Variants in SPOCK3 observed in about 807,000 individuals in gnomAD.
SPOCK3 encodes the protein SPARC (osteonectin), cwcv and kazal like domains proteoglycan 3, also known as testican-3.
In SPOCK3, 30 loss-of-function variants were observed where a neutral mutation model predicts 56.6. The ratio of observed to expected loss-of-function variants is 0.53; its 90% CI spans 0.40 to 0.72. The LOEUF is 0.72. Ranked by LOEUF, SPOCK3 falls within the 30% of genes least tolerant of loss-of-function variation. SPOCK3 has a pLI of 0.00. For synonymous variants in SPOCK3, 196 were observed against 183.3 expected (o/e 1.07, Z -0.56); for missense variants, 527 against 530.0 (o/e 0.99, Z 0.06).
At chr4:166,880,808 A>G (rs1733608854) in intron 6 of SPOCK3, among the ~76,000 whole-genome samples, 1 of 152,106 alleles carries the variant, frequency 6.6e-6, no homozygotes, top group African/African-American at 2.4e-5. Flanking sequence ...TCAAGCCTCA[A>G]TTCTTACCAA....
At chr4:167,021,529 T>C (rs1285135233) in intron 3 of SPOCK3, among the ~76,000 whole-genome samples, 1 of 151,966 alleles carries the variant, frequency 6.6e-6, no homozygotes, top group Non-Finnish European at 1.5e-5. Context: ...CTGTGGTAAC[T>C]TAGGCAAGGA....
chr4:166,741,662 C>CAT (rs377194882), intron 9 of SPOCK3, among the ~76,000 whole-genome samples: 34 of 151,904 alleles, frequency 2.2e-4, no homozygotes, highest in East Asian at 1.9e-3. Context: ...AGCACATATA[C>CAT]ATATATATAT....
At chr4:167,027,698 T>C (rs1256705689) in intron 3 of SPOCK3, among the ~76,000 whole-genome samples, 1 of 152,026 alleles carries the variant, frequency 6.6e-6, no homozygotes, top group Non-Finnish European at 1.5e-5. Flanking sequence ...TAGAGAAAAA[T>C]GTTATTAAGA....
At chr4:167,093,847 T>C (rs1758917810) in intron 2 of SPOCK3, among the ~76,000 whole-genome samples, 2 of 152,310 alleles carry the variant, frequency 1.3e-5, no homozygotes, top group South Asian at 2.1e-4. Flanking sequence ...TTTCTGGTTC[T>C]AGATCCTTGA....
chr4:166,937,470 CTA>C (rs1268069098), intron 4 of SPOCK3, among the ~76,000 whole-genome samples: 1 of 148,410 alleles, frequency 6.7e-6, no homozygotes, highest in Non-Finnish European at 1.5e-5. Context: ...TTCCATACAT[CTA>C]TGAGTTCTTG....
intron 3 of SPOCK3, among the ~76,000 whole-genome samples, chr4:167,012,253 T>C (rs1334866652): frequency 2.0e-5 from 3 of 151,978 alleles, no homozygotes; most frequent in Non-Finnish European, 4.4e-5. Flanking sequence ...TTATTGGTAT[T>C]ATACAGCCTC....
intron 6 of SPOCK3, among the ~76,000 whole-genome samples, chr4:166,837,861 T>C (rs1323435379): frequency 6.6e-6 from 1 of 152,174 alleles, no homozygotes; most frequent in Non-Finnish European, 1.5e-5. Flanking sequence ...AAGCTGTGGT[T>C]GCTACAAATT....
chr4:167,043,992 A>G (rs998778365), intron 3 of SPOCK3, among the ~76,000 whole-genome samples: 1 of 151,960 alleles, frequency 6.6e-6, no homozygotes, highest in Non-Finnish European at 1.5e-5. Flanking sequence ...TGATTCTTCT[A>G]TCTTCTAAAA....
intron 3 of SPOCK3, among the ~76,000 whole-genome samples, chr4:167,039,920 A>G (rs1017560353): frequency 6.6e-6 from 1 of 152,098 alleles, no homozygotes; most frequent in Non-Finnish European, 1.5e-5. Context: ...CCTTTTTATT[A>G]TCTATCTCTT....
intron 2 of SPOCK3, among the ~76,000 whole-genome samples, chr4:167,135,481 T>C (rs1049598754): frequency 1.6e-4 from 25 of 152,194 alleles, no homozygotes; most frequent in Non-Finnish European, 2.9e-4. Flanking sequence ...CAAGTAGTTG[T>C]AATCTTTCTC....
intron 3 of SPOCK3, among the ~76,000 whole-genome samples, chr4:167,024,297 G>A (rs1010015810): frequency 6.6e-6 from 1 of 151,988 alleles, no homozygotes. Context: ...AATTAAAAAT[G>A]AGTTTAGAAA....
At chr4:167,071,399 C>G (rs542034836) in intron 2 of SPOCK3, among the ~76,000 whole-genome samples, 80 of 151,734 alleles carry the variant, frequency 5.3e-4, no homozygotes, top group South Asian at 1.7e-3. Flanking sequence ...TAGCCCCCCA[C>G]CCCCTGACAG....
At chr4:166,953,975 T>A (rs4508920) in intron 4 of SPOCK3, among the ~76,000 whole-genome samples, 2 of 152,042 alleles carry the variant, frequency 1.3e-5, no homozygotes, top group African/African-American at 2.4e-5. Context: ...GGGAGATATA[T>A]CTAATGCTAG....
intron 2 of SPOCK3, 66 bp downstream of exon 2, chr4:167,233,919 C>G: frequency 7.1e-7 from 1 of 1,416,712 alleles, no homozygotes; most frequent in South Asian, 1.2e-5. Flanking sequence ...CCACATCCGG[C>G]GGCCGCGGCC....
intron 2 of SPOCK3, among the ~76,000 whole-genome samples, chr4:167,081,703 AAG>A (rs1230637950): frequency 2.6e-5 from 4 of 152,070 alleles, no homozygotes; most frequent in Non-Finnish European, 4.4e-5. Context: ...TACCTTGGGA[AAG>A]AGAGAGGCAA....
At chr4:167,096,811 T>C (rs1313663490) in intron 2 of SPOCK3, among the ~76,000 whole-genome samples, 1 of 151,838 alleles carries the variant, frequency 6.6e-6, no homozygotes, top group Non-Finnish European at 1.5e-5. Context: ...TGTATTTTCA[T>C]TGATTTTCTG....
intron 4 of SPOCK3, among the ~76,000 whole-genome samples, chr4:166,950,453 C>G (rs1475375015): frequency 1.3e-5 from 2 of 151,774 alleles, no homozygotes; most frequent in South Asian, 2.1e-4. Context: ...GAGTGACCTA[C>G]AAAGAGACTT....
intron 6 of SPOCK3, among the ~76,000 whole-genome samples, chr4:166,800,243 A>G (rs1457674067): frequency 2.0e-5 from 3 of 150,888 alleles, no homozygotes; most frequent in Non-Finnish European, 4.4e-5. Context: ...GGTCTTTATT[A>G]ATAAAGAGGA....
At chr4:166,924,393 A>G (rs1201643369) in intron 4 of SPOCK3, among the ~76,000 whole-genome samples, 1 of 152,188 alleles carries the variant, frequency 6.6e-6, no homozygotes, top group Admixed American at 6.5e-5. Context: ...AAAGGCTTTT[A>G]AAAAATACTT....
Sources: allele counts gnomAD v4.1 joint callset (sites outside exome capture counted in the v4.1 genomes callset), GRCh38; gene constraint gnomAD v4.1.1; transcripts MANE v1.5; gene names NCBI Gene and HGNC (gene_info 2026-07-23, HGNC 2026-07-21).